The following HMCN1 variants were observed in gnomAD, a reference collection of about 807,000 sequenced individuals.
The protein encoded by HMCN1 is hemicentin 1.
A neutral mutation model predicts 625.9 loss-of-function variants in HMCN1; 321 were observed. The ratio of observed to expected loss-of-function variants is 0.51; its 90% CI spans 0.47 to 0.56. HMCN1 has a LOEUF of 0.56. Ranked by LOEUF, HMCN1 falls within the 20% of genes least tolerant of loss-of-function variation. HMCN1 has a pLI of 0.00. For missense variants in HMCN1, 6,588 were observed against 6,887.3 expected, an observed-to-expected ratio of 0.96 and a Z score of 1.54; for synonymous variants, 2,425 against 2,417.6, an observed-to-expected ratio of 1.00 and a Z score of -0.09.
chr1:186,089,673 C>A (rs1274260010), intron 63 of HMCN1, among the ~76,000 whole-genome samples: 9 of 151,864 alleles, frequency 5.9e-5, no homozygotes, highest in Admixed American at 1.3e-4. Flanking sequence ...AAACATTTTA[C>A]CAGATTTTTA....
At chr1:185,866,397 A>ATTTTTTTTTTTTTTTTT (rs969071873) in intron 4 of HMCN1, among the ~76,000 whole-genome samples, 1 of 102,578 alleles carries the variant, frequency 9.7e-6, no homozygotes, top group African/African-American at 4.1e-5. Context: ...GTTTGTCATA[A>ATTTTTTTTTTTTTTTTT]TTTTTTTTTT....
chr1:185,951,695 TGGC>T (rs1558089105), intron 11 of HMCN1, among the ~76,000 whole-genome samples: 1 of 147,056 alleles, frequency 6.8e-6, no homozygotes, highest in African/African-American at 2.6e-5. Flanking sequence ...AGATGGGACG[TGGC>T]TTAGGAGGAA....
intron 1 of HMCN1, among the ~76,000 whole-genome samples, chr1:185,795,262 C>T (rs755315115): frequency 3.3e-5 from 5 of 152,112 alleles, no homozygotes; most frequent in African/African-American, 4.8e-5. Flanking sequence ...CTTTCTGTTG[C>T]CAACCCAAAT....
intron 80 of HMCN1, among the ~76,000 whole-genome samples, 185 bp downstream of exon 80, chr1:186,120,330 GCC>G (rs1661343615): frequency 6.6e-6 from 1 of 151,800 alleles, no homozygotes; most frequent in African/African-American, 2.4e-5. Flanking sequence ...TATTTTGTTG[GCC>G]ATTGTTTGTA....
At chr1:185,862,346 G>A (rs1221841286) in intron 2 of HMCN1, among the ~76,000 whole-genome samples, 1 of 152,074 alleles carries the variant, frequency 6.6e-6, no homozygotes, top group African/African-American at 2.4e-5. Flanking sequence ...GATAAGAAAA[G>A]TGACTAGTGG....
chr1:186,177,857 T>G (rs1337571935), intron 103 of HMCN1, among the ~76,000 whole-genome samples: 1 of 152,044 alleles, frequency 6.6e-6, no homozygotes, highest in Non-Finnish European at 1.5e-5. Flanking sequence ...AAAATTATAT[T>G]CATTTGTGAT....
chr1:185,957,257 TTAAAG>T (rs1649694531), intron 11 of HMCN1: 2 of 152,224 alleles, frequency 1.3e-5, no homozygotes, highest in Non-Finnish European at 2.9e-5. Context: ...GTTGTTATTT[TTAAAG>T]TATTGTTTAT....
intron 4 of HMCN1, among the ~76,000 whole-genome samples, chr1:185,878,419 A>G (rs985613407): frequency 6.6e-6 from 1 of 152,100 alleles, no homozygotes; most frequent in African/African-American, 2.4e-5. Flanking sequence ...TGTTCCTTTG[A>G]TGCCTAGTTT....
At chr1:186,101,173 A>C (rs917755536) in intron 68 of HMCN1, among the ~76,000 whole-genome samples, 28 of 152,176 alleles carry the variant, frequency 1.8e-4, no homozygotes, top group African/African-American at 6.7e-4. Flanking sequence ...AGAAAAAAAA[A>C]ACATTAAGTA....
intron 23 of HMCN1, 56 bp downstream of exon 23, chr1:185,993,365 C>T (rs778551867): frequency 6.7e-5 from 107 of 1,597,040 alleles, no homozygotes; most frequent in African/African-American, 2.5e-4. Context: ...CACAAAAACC[C>T]GTAATCCTAG....
At chr1:186,113,085 T>A (rs1162523378) in intron 72 of HMCN1, 132 bp downstream of exon 72, 2 of 979,646 alleles carry the variant, frequency 2.0e-6, no homozygotes, top group Non-Finnish European at 3.1e-6. Context: ...AAAGGCAACG[T>A]GGAGTATTTG....
intron 100 of HMCN1, among the ~76,000 whole-genome samples, chr1:186,169,645 T>C (rs778955536): frequency 3.2e-4 from 48 of 152,116 alleles, no homozygotes; most frequent in Non-Finnish European, 6.3e-4. Context: ...AAACTAAAAC[T>C]GGACACCTTC....
At chr1:185,946,738 T>A (rs1668364574) in intron 11 of HMCN1, among the ~76,000 whole-genome samples, 1 of 152,226 alleles carries the variant, frequency 6.6e-6, no homozygotes, top group Non-Finnish European at 1.5e-5. Context: ...AGTTCACGAC[T>A]TTTTTGTTAA....
chr1:186,170,673 T>C (rs376369900), intron 100 of HMCN1, among the ~76,000 whole-genome samples: 7 of 151,950 alleles, frequency 4.6e-5, no homozygotes, highest in African/African-American at 1.7e-4. Flanking sequence ...AAAGCTCAAA[T>C]AGGGGGACTT....
chr1:186,038,736 G>C, intron 37 of HMCN1, 93 bp from the exon 38 acceptor site: 3 of 766,872 alleles, frequency 3.9e-6, no homozygotes, highest in Non-Finnish European at 7.0e-6. Flanking sequence ...ATAAGTATAA[G>C]AATAAAGTAA....
At chr1:185,866,867 CT>C (rs957688264) in intron 4 of HMCN1, among the ~76,000 whole-genome samples, 49 of 147,108 alleles carry the variant, frequency 3.3e-4, no homozygotes, top group Middle Eastern at 3.5e-3. Flanking sequence ...TTGTTTAGTC[CT>C]TTTTTTTTTA....
chr1:186,045,894 A>T, intron 41 of HMCN1, 31 bp downstream of exon 41: 1 of 1,494,876 alleles, frequency 6.7e-7, no homozygotes, highest in Non-Finnish European at 9.3e-7. Context: ...ATTTTACCTT[A>T]TGTTATTAGA....
At chr1:186,116,843 A>G in intron 75 of HMCN1, 151 bp from the exon 76 acceptor site, 1 of 760,412 alleles carries the variant, frequency 1.3e-6, no homozygotes, top group Non-Finnish European at 2.2e-6. Flanking sequence ...ACTCTAATGC[A>G]TAAAGTTGGC....
intron 79 of HMCN1, 35 bp from the exon 80 acceptor site, chr1:186,119,976 T>A (rs1187871830): frequency 6.2e-7 from 1 of 1,614,016 alleles, no homozygotes; most frequent in East Asian, 2.2e-5. Context: ...CAGGCTTTTT[T>A]TTTTCCCCAC....
Sources: allele counts gnomAD v4.1 joint callset (sites outside exome capture counted in the v4.1 genomes callset), GRCh38; gene constraint gnomAD v4.1.1; transcripts MANE v1.5; gene names NCBI Gene and HGNC (gene_info 2026-07-23, HGNC 2026-07-21).